CHD9: variants seen among roughly 807,000 people sequenced by gnomAD.
The protein encoded by CHD9 is chromodomain helicase DNA binding protein 9, also known as ATP-dependent chromatin remodeler CHD9.
Under a neutral mutation model 316.1 loss-of-function variants are expected in CHD9, and 77 were observed. The ratio of observed to expected loss-of-function variants is 0.24; its 90% confidence interval spans 0.20 to 0.29. The LOEUF (loss-of-function observed/expected upper bound fraction) is 0.29. Ranked by LOEUF, CHD9 falls within the 10% of genes least tolerant of loss-of-function variation. CHD9 has a pLI of 1.00. For missense variants in CHD9, 2,763 were observed against 3,438.1 expected (o/e 0.80, Z 4.91); for synonymous variants, 1,129 against 1,158.3 (o/e 0.97, Z 0.51).
chr16:53,178,427 C>CTTTT (rs10569589), intron 2 of CHD9, among the ~76,000 whole-genome samples: 29 of 98,954 alleles, frequency 2.9e-4, no homozygotes, highest in Non-Finnish European at 3.9e-4. Flanking sequence ...TTGTTGGTTT[C>CTTTT]TTTTTTTTTT....
At chr16:53,169,790 A>G (rs2152776603) in intron 2 of CHD9, among the ~76,000 whole-genome samples, 1 of 152,262 alleles carries the variant, frequency 6.6e-6, no homozygotes, top group Non-Finnish European at 1.5e-5. Flanking sequence ...ATTATATACT[A>G]TATAGTCCAA....
At chr16:53,259,848 A>G (rs772623634) in intron 19 of CHD9, among the ~76,000 whole-genome samples, 2 of 152,126 alleles carry the variant, frequency 1.3e-5, no homozygotes, top group Non-Finnish European at 2.9e-5. Context: ...CAGTTCACGT[A>G]AGGCAAATAC....
At chr16:53,218,856 C>T (rs1333803183) in intron 3 of CHD9, among the ~76,000 whole-genome samples, 1 of 152,106 alleles carries the variant, frequency 6.6e-6, no homozygotes, top group Non-Finnish European at 1.5e-5. Context: ...TGAAAATACA[C>T]ATTTAAGTTG....
At chr16:53,146,739 C>T (rs1212940004) in intron 1 of CHD9, among the ~76,000 whole-genome samples, 2 of 149,582 alleles carry the variant, frequency 1.3e-5, no homozygotes, top group Non-Finnish European at 3.0e-5. Flanking sequence ...GCAGAGGTTA[C>T]AGTGAACCGA....
At chr16:53,188,316 C>T (rs1176499096) in intron 2 of CHD9, among the ~76,000 whole-genome samples, 1 of 152,080 alleles carries the variant, frequency 6.6e-6, no homozygotes, top group Non-Finnish European at 1.5e-5. Flanking sequence ...GCTTTCTTTT[C>T]TCTTGCATAT....
Position 53,229,119 on chromosome 16 carries a change from AG to A in CHD9, c.2286+20del. ...TGCAGACGTAAGAAAAAAATAAATA[AG>A]ACTATTATGTGTTGGTCTCTGAATA... On this transcript the variant is annotated intron_variant, in intron 8 of 38. Transcript: ENST00000447540. 7.6e-7 allele frequency: 1 copy of A among 1,316,846 alleles called. No individual in the cohort carries two copies. The highest frequency in any genetic ancestry group is 1.1e-6 in the Non-Finnish European group (1 of 936,336). 81.6% of individuals were successfully genotyped at this position (1,316,846 alleles called of 1,614,324 possible). A position where few individuals can be genotyped will look rare whatever the true frequency, so the allele number is the denominator to read the frequency against.
intron 2 of CHD9, 44 bp downstream of exon 2, chr16:53,157,585 C>T (rs775506309): frequency 1.8e-5 from 28 of 1,541,270 alleles, no homozygotes; most frequent in Admixed American, 8.0e-5. Flanking sequence ...GGGGGTAGGG[C>T]GGACTGTTAG....
At chr16:53,165,935 C>T (rs1169136013) in intron 2 of CHD9, among the ~76,000 whole-genome samples, 2 of 151,918 alleles carry the variant, frequency 1.3e-5, no homozygotes. Context: ...TATAAGGTAC[C>T]ATCCCTCTAT....
chr16:53,094,519 G>A (rs920266733), intron 1 of CHD9, among the ~76,000 whole-genome samples: 1 of 152,132 alleles, frequency 6.6e-6, no homozygotes, highest in East Asian at 1.9e-4. Flanking sequence ...ATAACTGATA[G>A]TGTCACCTCT....
chr16:53,257,483 G>A (rs1309714243), intron 19 of CHD9, among the ~76,000 whole-genome samples: 1 of 152,194 alleles, frequency 6.6e-6, no homozygotes, highest in Non-Finnish European at 1.5e-5. Context: ...ATAATGATGG[G>A]TGAACCAGGG....
intron 16 of CHD9, chr16:53,247,819 A>G (rs761134110): frequency 4.7e-6 from 1 of 212,492 alleles, no homozygotes; most frequent in Non-Finnish European, 9.4e-6. Context: ...AAATAGATAT[A>G]TATTTACAAC....
In CHD9 at chr16:53,114,086, T is replaced by TA. The variant is rs201295051; in HGVS notation, c.-164-41827dup. On this transcript the variant is annotated intron_variant, in intron 1 of 38. Coordinates refer to ENST00000447540, the MANE Select transcript of CHD9 (RefSeq NM_001308319.2). ...AAATCAATAACTACTGTTTTTTCTT[T>TA]AAAAAAAAAAAAAGAGGTTCCAATT... 2.7e-3 allele frequency among the ~76,000 whole-genome samples: 387 copies of TA among 142,446 alleles called. 3 individuals are homozygous for TA. Among genetic ancestry groups the TA allele is most frequent in the Middle Eastern group, 7.2e-3 (2 of 278 alleles). The allele number at this position is 142,446 out of a possible 152,430, so 93.5% of individuals were successfully genotyped here. A position where few individuals can be genotyped will look rare whatever the true frequency, so the allele number is the denominator to read the frequency against.
intron 1 of CHD9, among the ~76,000 whole-genome samples, chr16:53,102,427 G>A (rs188129792): frequency 3.5e-4 from 53 of 152,170 alleles, no homozygotes; most frequent in African/African-American, 1.3e-3. Flanking sequence ...AAACTAAAGT[G>A]CAGAGCTGTT....
At chr16:53,069,154 G>A (rs2152511290) in intron 1 of CHD9, among the ~76,000 whole-genome samples, 2 of 152,164 alleles carry the variant, frequency 1.3e-5, no homozygotes, top group Middle Eastern at 3.4e-3. Flanking sequence ...ACAGGCATGT[G>A]CCACCACGCC....
chr16:53,267,972 G>A lies in CHD9; in HGVS notation c.4563G>A (p.Arg1521=), dbSNP rs372258157. 3 of 1,613,460 alleles carry A rather than the reference G, an allele frequency of 1.9e-6. No individual in the cohort carries two copies. The African/African-American group carries it at 4.0e-5, about 22-fold the overall frequency. ...TTCTATCTCATGGCCGTTTCAAAAGGCAGCTAAATGAACACGATGTAGAGA... is the reference window on the plus strand; with the variant it reads ...TTCTATCTCATGGCCGTTTCAAAAGACAGCTAAATGAACACGATGTAGAGA... ...REILSHGRFK[R]QLNEHDVEII... Residue 1521 remains arginine, a synonymous_variant, in exon 22 of 39, where the codon AGG becomes AGA. Coordinates refer to ENST00000447540, the MANE Select transcript of CHD9 (RefSeq NM_001308319.2).
intron 2 of CHD9, among the ~76,000 whole-genome samples, chr16:53,166,584 A>G (rs1234342984): frequency 2.6e-5 from 4 of 152,164 alleles, no homozygotes; most frequent in East Asian, 1.9e-4. Flanking sequence ...TATTCCTATG[A>G]TTGTAACATT....
chr16:53,106,580 C>CA (rs2037367355), intron 1 of CHD9, among the ~76,000 whole-genome samples: 1 of 152,074 alleles, frequency 6.6e-6, no homozygotes, highest in Admixed American at 6.6e-5. Context: ...AACTGAACCC[C>CA]ATCATTGTTA....
chr16:53,306,496 G>A (rs1262393696), intron 32 of CHD9, 99 bp downstream of exon 32: 5 of 966,656 alleles, frequency 5.2e-6, no homozygotes, highest in Admixed American at 3.7e-5. Flanking sequence ...ATAGGTCAGC[G>A]TAAAATGTAG....
intron 24 of CHD9, among the ~76,000 whole-genome samples, chr16:53,278,664 A>G (rs1438632670): frequency 6.6e-6 from 1 of 152,232 alleles, no homozygotes; most frequent in Admixed American, 6.5e-5. Context: ...ACAAATTTAC[A>G]AGAAAAAAGC....
Sources: allele counts gnomAD v4.1 joint callset (sites outside exome capture counted in the v4.1 genomes callset), GRCh38; gene constraint gnomAD v4.1.1; transcripts MANE v1.5; gene names NCBI Gene and HGNC (gene_info 2026-07-23, HGNC 2026-07-21).